PIWIL4: variants seen among roughly 807,000 people sequenced by gnomAD.
The protein encoded by PIWIL4 is piwi-like protein 4.
A neutral mutation model predicts 100.9 loss-of-function variants in PIWIL4; 50 were observed. The observed-to-expected ratio is 0.50, with a 90% confidence interval of 0.39 to 0.63. The LOEUF is 0.63. Among genes scored for constraint, PIWIL4 ranks in the 20% least tolerant of loss-of-function variants. The probability of loss-of-function intolerance (pLI) is 0.00; values close to 1 mark genes in which losing one functional copy is unlikely to be tolerated. For missense variants in PIWIL4, 887 were observed against 1,043.3 expected (o/e 0.85, Z 2.06); for synonymous variants, 342 against 367.5 (o/e 0.93, Z 0.79).
At chr11:94,577,558 C>A in intron 4 of PIWIL4, 66 bp downstream of exon 4, 2 of 1,240,416 alleles carry the variant, frequency 1.6e-6, no homozygotes, top group Non-Finnish European at 2.2e-6. Context: ...TATACACACA[C>A]ACATATATAT....
intron 12 of PIWIL4, among the ~76,000 whole-genome samples, chr11:94,602,311 A>G (rs941338908): frequency 5.3e-5 from 8 of 152,184 alleles, no homozygotes; most frequent in African/African-American, 1.7e-4. Flanking sequence ...TCAGTTTTTC[A>G]TATCAGTTAT....
chr11:94,569,102 G>A (rs765537869), intron 2 of PIWIL4, among the ~76,000 whole-genome samples: 1 of 152,076 alleles, frequency 6.6e-6, no homozygotes, highest in Non-Finnish European at 1.5e-5. Flanking sequence ...TGTTATATAC[G>A]AATACCATTT....
rs1490448176 is a variant in PIWIL4, at chr11:94,619,978, A to G, written c.2295-19A>G. 2.5e-6 allele frequency: 4 copies of G among 1,614,138 alleles called. No homozygotes were observed. In the African/African-American group the frequency reaches 5.3e-5, roughly 22 times the overall value. On this transcript the variant is annotated intron_variant, in intron 18 of 19. Coordinates refer to ENST00000299001, the MANE Select transcript of PIWIL4 (RefSeq NM_152431.3). The stretch of plus-strand genomic sequence containing the variant: ...TCTGTTTGCCTTCTTTCCTACATTC[A>G]TTCCATTTTCCCCCTCAGGTATGAC...
rs138314594 is a variant in PIWIL4 at position 94,617,998 on chromosome 11, C to G, written c.2059C>G (p.Arg687Gly). 2 of 1,613,632 alleles carry G rather than the reference C, an allele frequency of 1.2e-6. No individual in the cohort carries two copies. The highest frequency in any genetic ancestry group is 8.5e-7 in the Non-Finnish European group (1 of 1,179,768). ...WYKYNHDLPA[R>G]IIVYRAGVGD... ...CAAGTACAATCATGATTTGCCAGCACGGATAATTGTGTACCGTGCTGGTGT... is the reference window on the plus strand; with the variant it reads ...CAAGTACAATCATGATTTGCCAGCAGGGATAATTGTGTACCGTGCTGGTGT... Residue 687 changes from arginine to glycine, a missense_variant, in exon 17 of 20, where the codon CGG (arginine) becomes GGG (glycine). Transcript: ENST00000299001.
At chr11:94,593,782 T>G (rs1948518446) in intron 9 of PIWIL4, 141 bp downstream of exon 9, 1 of 924,420 alleles carries the variant, frequency 1.1e-6, no homozygotes, top group East Asian at 2.6e-5. Context: ...AGTAATTTAT[T>G]CAATAATAGA....
chr11:94,598,198 C>G (rs79170828), intron 11 of PIWIL4, among the ~76,000 whole-genome samples: 2,640 of 152,222 alleles, frequency 0.017, 58 homozygotes, highest in African/African-American at 0.053. Context: ...GTGCATTGCT[C>G]TTAAAAAAGA....
At chr11:94,598,276 A>G (rs1948584323) in intron 11 of PIWIL4, among the ~76,000 whole-genome samples, 1 of 152,240 alleles carries the variant, frequency 6.6e-6, no homozygotes, top group South Asian at 2.1e-4. Context: ...GTTTTCTGAT[A>G]CCAAAACTGA....
chr11:94,620,100 C>A lies in PIWIL4; in HGVS notation c.2398C>A (p.Gln800Lys). Reference protein sequence around the residue: ...DDNGLKPDHMQRLTFKLCHLY... With the variant: ...DDNGLKPDHMKRLTFKLCHLY... ...CAACGGCTTGAAGCCCGACCATATG[C>A]AGAGACTTACATTCAAATTGTGCCA... is the stretch of plus-strand genomic sequence containing the variant. The change falls in exon 19 of 20, where the codon CAG becomes AAG. Residue 800 changes from glutamine to lysine, a missense_variant. Around this residue, in one of 2 missense-constraint regions of PIWIL4, gnomAD observed 741 missense variants for 930.0 expected, o/e 0.80. Transcript: ENST00000299001. 1.2e-6 allele frequency: 2 copies of A among 1,611,860 alleles called. No homozygotes were observed. Among genetic ancestry groups the A allele is most frequent in the Non-Finnish European group, 1.7e-6 (2 of 1,179,014 alleles).
intron 12 of PIWIL4, among the ~76,000 whole-genome samples, chr11:94,602,678 T>G (rs770997374): frequency 6.6e-6 from 1 of 152,248 alleles, no homozygotes; most frequent in African/African-American, 2.4e-5. Flanking sequence ...TTACTGAAAC[T>G]GATATGCTTA....
In PIWIL4 at chr11:94,577,312, C is replaced by T. The variant is rs191669581; in HGVS notation, c.333C>T (p.Asn111=). ...SSGIPVKLVT[N]LFNLDFPQDW... ...GAATACCTGTGAAACTGGTTACAAACCTCTTTAACTTAGATTTTCCCCAAG... is the reference window on the plus strand; with the variant it reads ...GAATACCTGTGAAACTGGTTACAAATCTCTTTAACTTAGATTTTCCCCAAG... Residue 111 remains asparagine, a synonymous_variant, in exon 4 of 20, where the codon AAC becomes AAT. Coordinates refer to ENST00000299001, the MANE Select transcript of PIWIL4 (RefSeq NM_152431.3). The T allele has an allele frequency of 1.9e-5, 31 of 1,613,912 alleles. No homozygotes were observed. Among genetic ancestry groups the T allele is most frequent in the Non-Finnish European group, 3.4e-6 (4 of 1,179,972 alleles).
chr11:94,591,896 G>A (rs982192669), intron 8 of PIWIL4, among the ~76,000 whole-genome samples: 1 of 152,164 alleles, frequency 6.6e-6, no homozygotes, highest in East Asian at 1.9e-4. Flanking sequence ...GAAAATTGGG[G>A]CAAGGGAGAG....
chr11:94,572,683 T>C (rs1186686489), intron 2 of PIWIL4, among the ~76,000 whole-genome samples: 1 of 152,250 alleles, frequency 6.6e-6, no homozygotes, highest in Non-Finnish European at 1.5e-5. Flanking sequence ...GCTGTTTTGG[T>C]TACTGTAGCC....
chr11:94,587,632 C>T (rs1248677218), intron 7 of PIWIL4, among the ~76,000 whole-genome samples: 1 of 152,234 alleles, frequency 6.6e-6, no homozygotes, highest in Non-Finnish European at 1.5e-5. Flanking sequence ...GCTTTTCTGA[C>T]ACCTCCATTT....
At chr11:94,609,470 T>C (rs1159841797) in intron 15 of PIWIL4, among the ~76,000 whole-genome samples, 1 of 152,170 alleles carries the variant, frequency 6.6e-6, no homozygotes, top group Non-Finnish European at 1.5e-5. Flanking sequence ...ATTTACTCCA[T>C]TAAATTCATG....
chr11:94,567,955 A>G (rs1273236142), intron 1 of PIWIL4, among the ~76,000 whole-genome samples: 1 of 152,028 alleles, frequency 6.6e-6, no homozygotes, highest in Non-Finnish European at 1.5e-5. Context: ...AATCTAATGC[A>G]GTTTTTCTGG....
At chr11:94,597,448 A>G (rs914465604) in intron 10 of PIWIL4, among the ~76,000 whole-genome samples, 5 of 152,220 alleles carry the variant, frequency 3.3e-5, no homozygotes, top group Non-Finnish European at 5.9e-5. Context: ...TATCAATCCT[A>G]CGAAGTAGGT....
rs550368034 is a variant in PIWIL4, at chr11:94,609,136, T to C, written c.1943+450T>C. On this transcript the variant is annotated intron_variant, in intron 15 of 19. Transcript: ENST00000299001. Reference sequence around the variant, plus strand: ...TGCTGTGCCTCACTATGGTAATCTGTAAAATAGAAATAATAATGATGACTA... The same window carrying C: ...TGCTGTGCCTCACTATGGTAATCTGCAAAATAGAAATAATAATGATGACTA... 1.5e-4 allele frequency among the ~76,000 whole-genome samples: 23 copies of C among 152,324 alleles called. No homozygotes were observed. The East Asian group carries it at 3.5e-3, about 23-fold the overall frequency.
intron 6 of PIWIL4, among the ~76,000 whole-genome samples, chr11:94,586,827 G>A (rs2135259227): frequency 6.6e-6 from 1 of 152,282 alleles, no homozygotes; most frequent in East Asian, 1.9e-4. Context: ...TGCCAAAGCT[G>A]AGAAACTGCT....
In PIWIL4 at chr11:94,575,042, G is replaced by C. The variant is rs1397030863; in HGVS notation, c.210G>C (p.Met70Ile). The change falls in exon 3 of 20, where the codon ATG becomes ATC. Residue 70 changes from methionine to isoleucine, a missense_variant. Coordinates refer to ENST00000299001, the MANE Select transcript of PIWIL4 (RefSeq NM_152431.3). ...CTGGTGATGCTGGAAGTACCTTCAT[G>C]GAAAGAGGTGTGAAAAACAAACAGG... ...ISSGDAGSTF[M>I]ERGVKNKQDF... The C allele has an allele frequency of 1.2e-6, 2 of 1,613,226 alleles. No homozygotes were observed. The highest frequency in any genetic ancestry group is 1.7e-6 in the Non-Finnish European group (2 of 1,179,240).
Sources: gnomAD v4.1 joint callset for allele counts (sites outside exome capture counted in the v4.1 genomes callset) on GRCh38, gnomAD v4.1.1 for gene constraint, gnomAD v4.1.1 regional missense constraint, MANE v1.5 for transcripts, NCBI Gene and HGNC (gene_info 2026-07-23, HGNC 2026-07-21) for gene names.